Variants in DPYSL5 observed in about 807,000 individuals in gnomAD.
DPYSL5 encodes dihydropyrimidinase like 5.
A neutral mutation model predicts 58.4 loss-of-function variants in DPYSL5; 9 were observed. The observed-to-expected ratio is 0.15, with a 90% CI of 0.09 to 0.27. The LOEUF is 0.27. Ranked by LOEUF, DPYSL5 falls within the 10% of genes least tolerant of loss-of-function variation. The pLI, the probability that DPYSL5 is intolerant of heterozygous loss-of-function variation, is 1.00. For synonymous variants in DPYSL5, 293 were observed against 301.9 expected (o/e 0.97, Z 0.31); for missense variants, 499 against 770.6 (o/e 0.65, Z 4.17).
At position 26,891,279 on chromosome 2, in the gene DPYSL5, C is replaced by T. The variant is rs1663873761; in HGVS notation, c.-4-7217C>T. On this transcript the variant is annotated intron_variant, in intron 1 of 12. Transcript: ENST00000288699. ...TCAGTGTCTAGTAATTATTAGTTAGCATTATTAATAGAGTCCTTTAAGTTC... is the reference window on the plus strand; with the variant it reads ...TCAGTGTCTAGTAATTATTAGTTAGTATTATTAATAGAGTCCTTTAAGTTC... 2.0e-5 allele frequency among the ~76,000 whole-genome samples: 3 copies of T among 152,264 alleles called. No individual in the cohort carries two copies. The South Asian group carries it at 6.2e-4, about 32-fold the overall frequency.
chr2:26,858,434 G>A (rs1018172465), intron 1 of DPYSL5, among the ~76,000 whole-genome samples: 3 of 152,088 alleles, frequency 2.0e-5, no homozygotes, highest in African/African-American at 7.2e-5. Context: ...GCCTCCCAAA[G>A]TGCTGGGATT....
chr2:26,930,986 A>G (rs944289110), intron 5 of DPYSL5, among the ~76,000 whole-genome samples: 30 of 150,062 alleles, frequency 2.0e-4, no homozygotes, highest in African/African-American at 7.4e-4. Context: ...AAAAAAAAAA[A>G]AAATTAGCCA....
At chr2:26,917,428 C>T (rs1409799925) in intron 2 of DPYSL5, among the ~76,000 whole-genome samples, 1 of 151,982 alleles carries the variant, frequency 6.6e-6, no homozygotes, top group African/African-American at 2.4e-5. Flanking sequence ...TGTTTGTAGC[C>T]AGAGGGACAG....
intron 5 of DPYSL5, among the ~76,000 whole-genome samples, chr2:26,931,293 G>A (rs954002428): frequency 4.8e-5 from 7 of 144,602 alleles, no homozygotes; most frequent in Admixed American, 1.4e-4. Context: ...GCTAATTTCC[G>A]GAGTCAAATC....
intron 9 of DPYSL5, 81 bp downstream of exon 9, chr2:26,940,253 T>C: frequency 6.6e-7 from 1 of 1,523,246 alleles, no homozygotes; most frequent in Non-Finnish European, 8.9e-7. Context: ...AATAAGAGTA[T>C]TCACTCCTCA....
At chr2:26,885,750 T>TA (rs1310647455) in intron 1 of DPYSL5, among the ~76,000 whole-genome samples, 22 of 152,178 alleles carry the variant, frequency 1.4e-4, no homozygotes, top group Non-Finnish European at 1.5e-5. Context: ...GGTTCTCCAC[T>TA]AGCCTTTGGA....
At chr2:26,850,046 A>AGGCG (rs1177209151) in intron 1 of DPYSL5, among the ~76,000 whole-genome samples, 2 of 150,418 alleles carry the variant, frequency 1.3e-5, no homozygotes, top group Admixed American at 1.3e-4. Context: ...TTGTCTGCCG[A>AGGCG]GGCGGCCGTA....
chr2:26,854,395 G>T (rs939897242), intron 1 of DPYSL5, among the ~76,000 whole-genome samples: 1 of 152,150 alleles, frequency 6.6e-6, no homozygotes, highest in Non-Finnish European at 1.5e-5. Context: ...GAAGGTGGAG[G>T]TTGCAGTGAG....
Position 26,942,887 on chromosome 2 carries a change from G to A in DPYSL5, c.1440+137G>A, listed in dbSNP as rs972638336. Reference sequence around the variant, plus strand: ...CATTGCACTTTCTCCAGCGTTGAGAGGGGAGTGTGCGGCAGCGCCAGGGAA... The same window carrying A: ...CATTGCACTTTCTCCAGCGTTGAGAAGGGAGTGTGCGGCAGCGCCAGGGAA... On this transcript the variant is annotated intron_variant, in intron 11 of 12. Transcript: ENST00000288699. This position sits in a 1 kb window ranked among gnomAD's most constrained non-coding sequence, Gnocchi z 5.9. 3 of 1,013,754 alleles carry A rather than the reference G, an allele frequency of 3.0e-6. No homozygotes were observed. Among genetic ancestry groups the A allele is most frequent in the Non-Finnish European group, 4.3e-6 (3 of 696,438 alleles). The allele number at this position is 1,013,754 out of a possible 1,614,324, so 62.8% of individuals were successfully genotyped here.
intron 1 of DPYSL5, among the ~76,000 whole-genome samples, chr2:26,896,663 A>G (rs374494044): frequency 8.0e-4 from 122 of 152,250 alleles, no homozygotes; most frequent in Middle Eastern, 3.4e-3. Flanking sequence ...TGATAAATCT[A>G]TTGGCCATTT....
At position 26,898,688 on chromosome 2, in the gene DPYSL5, C is replaced by T; in HGVS notation, c.189C>T (p.Ile63=). 11 of 1,614,134 alleles carry T rather than the reference C, an allele frequency of 6.8e-6. No homozygotes were observed. Among genetic ancestry groups the T allele is most frequent in the Non-Finnish European group, 9.3e-6 (11 of 1,180,018 alleles). ...GAAAACTGGTGATCCCTGGTGGCAT[C>T]GACACCAGCACCCACTTCCACCAGA... ...ATGKLVIPGG[I]DTSTHFHQTF... is the part of the protein sequence containing the mutation. Residue 63 remains isoleucine (I), a synonymous_variant, in exon 2 of 13, where the codon ATC becomes ATT. Coordinates refer to ENST00000288699, the MANE Select transcript of DPYSL5 (RefSeq NM_020134.4). This position sits in a 1 kb window ranked among gnomAD's most constrained non-coding sequence, Gnocchi z 6.1.
At chr2:26,860,199 A>G (rs1665975936) in intron 1 of DPYSL5, among the ~76,000 whole-genome samples, 1 of 152,346 alleles carries the variant, frequency 6.6e-6, no homozygotes, top group Non-Finnish European at 1.5e-5. Context: ...ATGCTAAATT[A>G]GGTGCTTTGT....
At chr2:26,883,029 G>A (rs13404808) in intron 1 of DPYSL5, among the ~76,000 whole-genome samples, 2 of 151,824 alleles carry the variant, frequency 1.3e-5, no homozygotes, top group African/African-American at 2.4e-5. Flanking sequence ...TCTGCTTTGA[G>A]TCCATATTTT....
chr2:26,888,280 T>C (rs971310000), intron 1 of DPYSL5, among the ~76,000 whole-genome samples: 14 of 151,108 alleles, frequency 9.3e-5, no homozygotes, highest in Non-Finnish European at 1.9e-4. Flanking sequence ...TTTCTTTCTG[T>C]CTTTCTTTCT....
In DPYSL5 at chr2:26,934,786, G is replaced by A. The variant is rs377037659; in HGVS notation, c.947+52G>A. 287 of 1,594,508 alleles carry A rather than the reference G, an allele frequency of 1.8e-4. No homozygotes were observed. Among genetic ancestry groups the A allele is most frequent in the Middle Eastern group, 5.0e-4 (3 of 5,964 alleles). On this transcript the variant is annotated intron_variant, in intron 8 of 12. Coordinates refer to ENST00000288699, the MANE Select transcript of DPYSL5 (RefSeq NM_020134.4). This position sits in a 1 kb window ranked among gnomAD's most constrained non-coding sequence, Gnocchi z 4.3. ...GGGATGTGTACATCTTTAGGAAGAC[G>A]TCATAGAGGGCCCAGGAAACAAATC... is the stretch of plus-strand genomic sequence containing the variant.
In DPYSL5 at chr2:26,944,588, C is replaced by T; in HGVS notation, c.1441-68C>T. The T allele has an allele frequency of 4.5e-6, 7 of 1,551,830 alleles. No homozygotes were observed. Among genetic ancestry groups the T allele is most frequent in the Non-Finnish European group, 6.1e-6 (7 of 1,141,868 alleles). ...AATGTCCCACCGGCCCCCAGGGAGG[C>T]CATGGTTGTATCACTCAGCTCTGAT... On this transcript the variant is annotated intron_variant, in intron 11 of 12. Coordinates refer to ENST00000288699, the MANE Select transcript of DPYSL5 (RefSeq NM_020134.4). This position sits in a 1 kb window ranked among gnomAD's most constrained non-coding sequence, Gnocchi z 4.4.
At chr2:26,930,242 A>G (rs932409177) in intron 5 of DPYSL5, among the ~76,000 whole-genome samples, 1 of 152,182 alleles carries the variant, frequency 6.6e-6, no homozygotes, top group Non-Finnish European at 1.5e-5. Flanking sequence ...CAAGGGGTGG[A>G]CACACACACT....
At position 26,933,551 on chromosome 2, in the gene DPYSL5, A is replaced by C. The variant is rs908894328; in HGVS notation, c.790+218A>C. ...CTTTTTCTTCTGCAAATTTGTATGC[A>C]TAACAGCTTTACGGAAGTGTCTGTC... is the stretch of plus-strand genomic sequence containing the variant. On this transcript the variant is annotated intron_variant, in intron 7 of 12. Coordinates refer to ENST00000288699, the MANE Select transcript of DPYSL5 (RefSeq NM_020134.4). The surrounding 1 kb of genome is among the most constrained non-coding windows in gnomAD (Gnocchi z 4.2). Among the ~76,000 whole-genome samples the C allele has an allele frequency of 5.3e-5, 8 of 152,230 alleles. No individual in the cohort carries two copies. Among genetic ancestry groups the C allele is most frequent in the African/African-American group, 1.9e-4 (8 of 41,462 alleles).
Position 26,944,434 on chromosome 2 carries a change from G to A in DPYSL5, c.1441-222G>A, listed in dbSNP as rs143211493. Reference sequence around the variant, plus strand: ...CACATGTGCACTCACATACATGCACGCATGCACACATGTACACATATGCAC... The same window carrying A: ...CACATGTGCACTCACATACATGCACACATGCACACATGTACACATATGCAC... On this transcript the variant is annotated intron_variant, in intron 11 of 12. Coordinates refer to ENST00000288699, the MANE Select transcript of DPYSL5 (RefSeq NM_020134.4). This position sits in a 1 kb window ranked among gnomAD's most constrained non-coding sequence, Gnocchi z 4.4. Among the ~76,000 whole-genome samples, 13 of 152,254 alleles carry A rather than the reference G, an allele frequency of 8.5e-5. No individual in the cohort carries two copies. The highest frequency in any genetic ancestry group is 7.7e-4 in the East Asian group (4 of 5,188).
Sources: gnomAD v4.1 joint callset for allele counts (sites outside exome capture counted in the v4.1 genomes callset) on GRCh38, gnomAD v4.1.1 for gene constraint, Gnocchi (gnomAD v3.1) non-coding constraint, MANE v1.5 for transcripts, NCBI Gene and HGNC (gene_info 2026-07-23, HGNC 2026-07-21) for gene names.